PCDH7: variants seen among roughly 807,000 people sequenced by gnomAD.
The protein encoded by PCDH7 is protocadherin-7.
Under a neutral mutation model 58.9 loss-of-function variants are expected in PCDH7, and 17 were observed. The observed-to-expected ratio is 0.29, with a 90% CI of 0.20 to 0.43. The LOEUF (loss-of-function observed/expected upper bound fraction) is 0.43, where lower values mean the gene tolerates loss of function less well. PCDH7 is among the 20% of genes least tolerant of loss of function. PCDH7 has a pLI of 1.00. For synonymous variants in PCDH7, 664 were observed against 616.4 expected (o/e 1.08, Z -1.14); for missense variants, 1,274 against 1,441.0 (o/e 0.88, Z 1.88).
intron 1 of PCDH7, among the ~76,000 whole-genome samples, chr4:30,744,383 T>G (rs1028018886): frequency 4.6e-5 from 7 of 152,298 alleles, no homozygotes; most frequent in African/African-American, 1.7e-4. Context: ...CCTATATGAT[T>G]CGAAATAAGG....
intron 3 of PCDH7, among the ~76,000 whole-genome samples, chr4:31,108,619 T>C (rs1715898742): frequency 6.6e-6 from 1 of 152,156 alleles, no homozygotes; most frequent in Non-Finnish European, 1.5e-5. Flanking sequence ...GGCTCACAGC[T>C]GCTATTTTTA....
chr4:30,872,833 A>T (rs1735798669), intron 1 of PCDH7, among the ~76,000 whole-genome samples: 1 of 152,004 alleles, frequency 6.6e-6, no homozygotes, highest in South Asian at 2.1e-4. Context: ...TTTTCTCATC[A>T]TTTAAATAGA....
intron 3 of PCDH7, among the ~76,000 whole-genome samples, chr4:31,067,353 A>G (rs1758168697): frequency 7.0e-6 from 1 of 143,436 alleles, no homozygotes; most frequent in Non-Finnish European, 1.5e-5. Context: ...TGTCTACATC[A>G]GGGGAATTTC....
Position 30,723,114 on chromosome 4 carries a change from C to T in PCDH7, c.1692C>T (p.Ser564=), listed in dbSNP as rs138430298. ...CGGTGCTGGCGACAGACGCAGACAG[C>T]GGTAAGAACGCCGAGATCGCCTACT... is the stretch of plus-strand genomic sequence containing the variant. Residue 564 remains serine (S), a synonymous_variant, in exon 1 of 2, where the codon AGC becomes AGT. Coordinates refer to ENST00000361762, the Ensembl canonical transcript of PCDH7. This position sits in a 1 kb window ranked among gnomAD's most constrained non-coding sequence, Gnocchi z 4.6. 4 of 1,613,872 alleles carry T rather than the reference C, an allele frequency of 2.5e-6. No individual in the cohort carries two copies. Among genetic ancestry groups the T allele is most frequent in the Admixed American group, 3.3e-5 (2 of 60,008 alleles).
chr4:30,826,969 T>G (rs1170523545), intron 1 of PCDH7, among the ~76,000 whole-genome samples: 1 of 152,096 alleles, frequency 6.6e-6, no homozygotes, highest in African/African-American at 2.4e-5. Flanking sequence ...ACTTGAATCT[T>G]CCCAGTGCTA....
At chr4:30,779,003 GTT>G (rs386399674) in intron 1 of PCDH7, among the ~76,000 whole-genome samples, 8 of 73,008 alleles carry the variant, frequency 1.1e-4, no homozygotes, top group Non-Finnish European at 1.4e-4. Flanking sequence ...TCCTTACTCC[GTT>G]TTTTTTTTTT....
At chr4:30,897,032 G>A (rs1190534182) in intron 1 of PCDH7, among the ~76,000 whole-genome samples, 3 of 149,240 alleles carry the variant, frequency 2.0e-5, no homozygotes, top group Non-Finnish European at 3.0e-5. Flanking sequence ...AGCCTCCCGC[G>A]TAGCTGGGAC....
chr4:30,881,510 G>A (rs1736971674), intron 1 of PCDH7, among the ~76,000 whole-genome samples: 1 of 152,112 alleles, frequency 6.6e-6, no homozygotes. Flanking sequence ...AGGAATTCAT[G>A]TCATCTCTAG....
chr4:31,069,158 G>A (rs1758336809), intron 3 of PCDH7, among the ~76,000 whole-genome samples: 1 of 151,914 alleles, frequency 6.6e-6, no homozygotes, highest in African/African-American at 2.4e-5. Flanking sequence ...CCTTTTCTGT[G>A]CCTTTATTTT....
intron 1 of PCDH7, among the ~76,000 whole-genome samples, chr4:30,763,494 G>C (rs1313899641): frequency 1.3e-5 from 2 of 152,124 alleles, no homozygotes; most frequent in African/African-American, 2.4e-5. Flanking sequence ...AGATAAACAC[G>C]GAGGCTTAGA....
chr4:30,963,372 C>T (rs1417272576), intron 3 of PCDH7, among the ~76,000 whole-genome samples: 1 of 152,004 alleles, frequency 6.6e-6, no homozygotes, highest in African/African-American at 2.4e-5. Flanking sequence ...TGTTGGAGAG[C>T]CCTAAATTAT....
intron 3 of PCDH7, among the ~76,000 whole-genome samples, chr4:31,089,454 T>TTGTG (rs1407700203): frequency 6.6e-6 from 1 of 152,032 alleles, no homozygotes; most frequent in African/African-American, 2.4e-5. Context: ...GGCATTACTT[T>TTGTG]TGTGTGAAGC....
At chr4:30,841,067 G>GAT (rs1475172227) in intron 1 of PCDH7, among the ~76,000 whole-genome samples, 1 of 151,898 alleles carries the variant, frequency 6.6e-6, no homozygotes, top group Admixed American at 6.6e-5. Flanking sequence ...AACTGATCTT[G>GAT]ATATATATAT....
chr4:31,056,437 A>AGAAGGAAG lies in PCDH7; in HGVS notation c.*8-86029_*8-86028insGGAAGGAA, dbSNP rs1224818952. On this transcript the variant is annotated intron_variant, in intron 3 of 3. Transcript: ENST00000509759. ...GAAGGAAAGAAGGAAAGAAAAAGAAAGAAGGAAAGAAAGAAAGAAAGAAGA... is the reference window on the plus strand; with the variant it reads ...GAAGGAAAGAAGGAAAGAAAAAGAAAGAAGGAAGGAAGGAAAGAAAGAAAGAAAGAAGA... 5.6e-3 allele frequency among the ~76,000 whole-genome samples: 471 copies of AGAAGGAAG among 84,558 alleles called. 9 individuals are homozygous for AGAAGGAAG. Among genetic ancestry groups the AGAAGGAAG allele is most frequent in the African/African-American group, 0.04 (444 of 11,114 alleles). The allele number at this position is 84,558 out of a possible 152,430, so 55.5% of individuals were successfully genotyped here.
In PCDH7 at chr4:30,724,619, T is replaced by G. The variant is rs376272933; in HGVS notation, c.3174+23T>G. 3 of 1,608,652 alleles carry G rather than the reference T, an allele frequency of 1.9e-6. No individual in the cohort carries two copies. The African/African-American group carries it at 4.0e-5, about 22-fold the overall frequency. ...CAGGTAAGATGTATCCCAAATATATTTAAATATCCCAGGGAGGGCTAATAA... is the reference window on the plus strand; with the variant it reads ...CAGGTAAGATGTATCCCAAATATATGTAAATATCCCAGGGAGGGCTAATAA... On this transcript the variant is annotated intron_variant, in intron 1 of 1. Transcript: ENST00000361762.
chr4:30,801,384 T>C (rs1431582873), intron 1 of PCDH7, among the ~76,000 whole-genome samples: 1 of 151,938 alleles, frequency 6.6e-6, no homozygotes, highest in Non-Finnish European at 1.5e-5. Context: ...GAAGGCAGAA[T>C]GCTAATCTTG....
intron 1 of PCDH7, among the ~76,000 whole-genome samples, chr4:30,758,519 G>A (rs542595519): frequency 1.4e-4 from 21 of 152,272 alleles, no homozygotes; most frequent in Admixed American, 1.1e-3. Flanking sequence ...AAAGAGCATC[G>A]AAGGCTCTTG....
At chr4:30,768,852 A>C (rs1010482804) in intron 1 of PCDH7, among the ~76,000 whole-genome samples, 6 of 152,240 alleles carry the variant, frequency 3.9e-5, no homozygotes, top group African/African-American at 1.4e-4. Flanking sequence ...TAGTGAAAAC[A>C]ATTTGAAATA....
chr4:30,754,440 T>G (rs187953173), intron 1 of PCDH7, among the ~76,000 whole-genome samples: 2 of 152,306 alleles, frequency 1.3e-5, no homozygotes, highest in Admixed American at 1.3e-4. Context: ...TTAGATTGTT[T>G]AGGGTCCAAG....
Sources: allele counts gnomAD v4.1 joint callset (sites outside exome capture counted in the v4.1 genomes callset), GRCh38; gene constraint gnomAD v4.1.1; non-coding constraint Gnocchi (gnomAD v3.1); transcripts MANE v1.5; gene names NCBI Gene and HGNC (gene_info 2026-07-23, HGNC 2026-07-21).